Variants in PLCL2 observed in about 807,000 individuals in gnomAD.
The protein encoded by PLCL2 is phospholipase C like 2.
PLCL2 carries 4 observed loss-of-function variants against 79.6 expected under a neutral mutation model. That is an observed-to-expected ratio of 0.05 (90% CI 0.02 to 0.11). PLCL2 has a LOEUF of 0.11. Ranked by LOEUF, PLCL2 falls within the 10% of genes least tolerant of loss-of-function variation. The probability of loss-of-function intolerance (pLI) is 1.00; values close to 1 mark genes in which losing one functional copy is unlikely to be tolerated. For synonymous variants in PLCL2, 484 were observed against 457.7 expected (o/e 1.06, Z -0.73); for missense variants, 895 against 1,291.0 (o/e 0.69, Z 4.70).
chr3:16,964,122 A>G (rs1489658501), intron 1 of PLCL2, among the ~76,000 whole-genome samples: 3 of 152,004 alleles, frequency 2.0e-5, no homozygotes, highest in East Asian at 3.9e-4. Context: ...TGCTGCACCC[A>G]TTAACTCGTC....
chr3:17,045,615 C>A (rs1445283422), intron 4 of PLCL2, among the ~76,000 whole-genome samples: 1 of 152,090 alleles, frequency 6.6e-6, no homozygotes, highest in East Asian at 1.9e-4. Context: ...CCTGCATAGT[C>A]CTCTCTGTTA....
rs2063577119 is a variant in PLCL2, at chr3:16,943,806, AT to A, written c.327+58447del. Among the ~76,000 whole-genome samples the A allele has an allele frequency of 3.9e-5, 6 of 152,144 alleles. No individual in the cohort carries two copies. The South Asian group carries it at 1.2e-3, about 32-fold the overall frequency. On this transcript the variant is annotated intron_variant, in intron 1 of 5. Transcript: ENST00000615277. ...TTTAAGCTATGTTTAGGTTGTTTCT[AT>A]TTTTTTAGCATTATAAAATAATTTT... is the stretch of plus-strand genomic sequence containing the variant.
intron 1 of PLCL2, among the ~76,000 whole-genome samples, chr3:16,958,186 A>G (rs529110180): frequency 1.3e-5 from 2 of 152,110 alleles, no homozygotes; most frequent in South Asian, 2.1e-4. Context: ...CTTTCCACAT[A>G]TACATTTTTT....
intron 1 of PLCL2, among the ~76,000 whole-genome samples, chr3:16,970,216 C>G (rs1168683528): frequency 6.6e-6 from 1 of 151,842 alleles, no homozygotes; most frequent in Non-Finnish European, 1.5e-5. Context: ...CCCCCCTCCC[C>G]CCAGCCCACA....
At chr3:17,046,271 GA>G (rs1216282920) in intron 4 of PLCL2, among the ~76,000 whole-genome samples, 1 of 152,146 alleles carries the variant, frequency 6.6e-6, no homozygotes, top group African/African-American at 2.4e-5. Flanking sequence ...TAAAAGTTGG[GA>G]AAAGATTTGT....
At chr3:16,983,160 A>T (rs2064017298) in intron 1 of PLCL2, among the ~76,000 whole-genome samples, 1 of 152,360 alleles carries the variant, frequency 6.6e-6, no homozygotes, top group Middle Eastern at 3.4e-3. Context: ...ACACATATTA[A>T]GCATAGTTGT....
chr3:17,024,631 T>C (rs762698536), intron 3 of PLCL2, among the ~76,000 whole-genome samples: 4 of 152,200 alleles, frequency 2.6e-5, no homozygotes, highest in Non-Finnish European at 5.9e-5. Context: ...AAGAGCTTAA[T>C]TGGCTTTCCA....
chr3:17,082,500 T>C (rs1471066372), intron 5 of PLCL2, among the ~76,000 whole-genome samples: 1 of 152,098 alleles, frequency 6.6e-6, no homozygotes, highest in East Asian at 1.9e-4. Flanking sequence ...CTTAGACACA[T>C]AGAACAAAAT....
intron 1 of PLCL2, among the ~76,000 whole-genome samples, chr3:16,933,467 G>A (rs1294121165): frequency 6.6e-6 from 1 of 152,120 alleles, no homozygotes; most frequent in East Asian, 1.9e-4. Flanking sequence ...GATTATACAG[G>A]GAAAGTCCTT....
At chr3:17,014,365 T>A in intron 2 of PLCL2, among the ~76,000 whole-genome samples, 1 of 152,238 alleles carries the variant, frequency 6.6e-6, no homozygotes, top group East Asian at 1.9e-4. Context: ...TTACCCTCTT[T>A]GAATGCAGAA....
At chr3:17,079,653 C>T (rs950754920) in intron 5 of PLCL2, among the ~76,000 whole-genome samples, 2 of 152,124 alleles carry the variant, frequency 1.3e-5, no homozygotes, top group Non-Finnish European at 2.9e-5. Flanking sequence ...GTGGTGCTGC[C>T]GAGGAGCCCC....
chr3:16,891,658 C>G (rs1266718588), intron 1 of PLCL2, among the ~76,000 whole-genome samples: 2 of 152,184 alleles, frequency 1.3e-5, no homozygotes, highest in African/African-American at 2.4e-5. Context: ...CAGGACAATC[C>G]AGGTTTACAT....
chr3:17,064,942 A>C (rs2064993916), intron 4 of PLCL2, among the ~76,000 whole-genome samples: 1 of 151,806 alleles, frequency 6.6e-6, no homozygotes, highest in Non-Finnish European at 1.5e-5. Flanking sequence ...AAAAAAAAAA[A>C]AAAAAGACAT....
Position 17,010,851 on chromosome 3 carries a change from T to C in PLCL2, c.1505T>C (p.Ile502Thr), listed in dbSNP as rs549874181. The change falls in exon 2 of 6, where the codon ATT (isoleucine) becomes ACT (threonine). Residue 502 changes from isoleucine to threonine, a missense_variant. Transcript: ENST00000615277. The surrounding 1 kb of genome is among the most constrained non-coding windows in gnomAD (Gnocchi z 5.8). ...ATAGTTTTCCGCAGTGTCATTGATA[T>C]TATTAACAAGTATGCATTCTTTGCT... Reference protein sequence around the residue: ...SQIVFRSVIDIINKYAFFASE... With the variant: ...SQIVFRSVIDTINKYAFFASE... 4 of 1,614,008 alleles carry C rather than the reference T, an allele frequency of 2.5e-6. No homozygotes were observed. The highest frequency in any genetic ancestry group is 2.2e-5 in the East Asian group (1 of 44,888).
At chr3:16,994,248 A>C (rs2064130950) in intron 1 of PLCL2, among the ~76,000 whole-genome samples, 1 of 152,262 alleles carries the variant, frequency 6.6e-6, no homozygotes. Context: ...GACCTTCTGC[A>C]GTCCAAATTC....
intron 3 of PLCL2, among the ~76,000 whole-genome samples, chr3:17,022,619 A>G (rs1195171873): frequency 6.6e-6 from 1 of 152,218 alleles, no homozygotes; most frequent in Admixed American, 6.5e-5. Flanking sequence ...GCGAGGAAGC[A>G]CTTAGCTTCC....
At chr3:16,945,304 C>A (rs949654132) in intron 1 of PLCL2, among the ~76,000 whole-genome samples, 28 of 152,040 alleles carry the variant, frequency 1.8e-4, no homozygotes, top group Admixed American at 5.9e-4. Context: ...CTCTTTCTGG[C>A]TTTTCTCCGT....
chr3:17,063,392 A>G (rs1375955365), intron 4 of PLCL2, among the ~76,000 whole-genome samples: 1 of 145,012 alleles, frequency 6.9e-6, no homozygotes, highest in African/African-American at 2.6e-5. Context: ...TCTAATGCCT[A>G]CTGAACATGG....
chr3:17,011,410 T>G lies in PLCL2; in HGVS notation c.2064T>G (p.Asn688Lys). The stretch of plus-strand genomic sequence containing the variant: ...TGAGAATTGATTCCAGTAACATGAA[T>G]CCTCAAGATTTTTGGAAATGTGGTT... Reference protein sequence around the residue: ...SPMRIDSSNMNPQDFWKCGCQ... With the variant: ...SPMRIDSSNMKPQDFWKCGCQ... Residue 688 changes from asparagine to lysine, a missense_variant, in exon 2 of 6, where the codon AAT (asparagine) becomes AAG (lysine). Coordinates refer to ENST00000615277, the MANE Select transcript of PLCL2 (RefSeq NM_001144382.2). The surrounding 1 kb of genome is among the most constrained non-coding windows in gnomAD (Gnocchi z 7.9). 6.2e-7 allele frequency: 1 copy of G among 1,614,178 alleles called. No homozygotes were observed. Among genetic ancestry groups the G allele is most frequent in the Non-Finnish European group, 8.5e-7 (1 of 1,180,042 alleles).
Sources: allele counts gnomAD v4.1 joint callset (sites outside exome capture counted in the v4.1 genomes callset), GRCh38; gene constraint gnomAD v4.1.1; non-coding constraint Gnocchi (gnomAD v3.1); transcripts MANE v1.5; gene names NCBI Gene and HGNC (gene_info 2026-07-23, HGNC 2026-07-21).